NRXN3: variants seen among roughly 807,000 people sequenced by gnomAD.
NRXN3 encodes the protein neurexin 3.
A neutral mutation model predicts 137.6 loss-of-function variants in NRXN3; 32 were observed. The ratio of observed to expected loss-of-function variants is 0.23; its 90% CI spans 0.18 to 0.31. NRXN3 has a LOEUF of 0.31. Ranked by LOEUF, NRXN3 falls within the 10% of genes least tolerant of loss-of-function variation. The pLI is 1.00. For missense variants in NRXN3, 1,574 were observed against 2,062.5 expected (o/e 0.76, Z 4.59); for synonymous variants, 798 against 784.5 (o/e 1.02, Z -0.29).
In NRXN3 at chr14:79,033,545, A is replaced by G. The variant is rs150028600; in HGVS notation, c.3262+45404A>G. On this transcript the variant is annotated intron_variant, in intron 15 of 20. Transcript: ENST00000335750. ...AACGATGAGTATCTGGCCAAGTAAT[A>G]TATGGAATCAGGAATATGTCTCTCC... is the stretch of plus-strand genomic sequence containing the variant. 1.2e-4 allele frequency among the ~76,000 whole-genome samples: 18 copies of G among 152,214 alleles called. No homozygotes were observed. In the East Asian group the frequency reaches 3.5e-3, roughly 29 times the overall value.
At chr14:79,850,950 T>C (rs2099390204) in intron 20 of NRXN3, among the ~76,000 whole-genome samples, 1 of 152,202 alleles carries the variant, frequency 6.6e-6, no homozygotes, top group Non-Finnish European at 1.5e-5. Flanking sequence ...CACATATGAT[T>C]TGCAAAGTGA....
At chr14:79,365,451 G>A (rs530866615) in intron 15 of NRXN3, among the ~76,000 whole-genome samples, 16 of 151,904 alleles carry the variant, frequency 1.1e-4, no homozygotes, top group African/African-American at 3.9e-4. Flanking sequence ...CGGGCGCGGT[G>A]GCTCACGCCT....
At chr14:79,083,788 C>T (rs2047535569) in intron 15 of NRXN3, among the ~76,000 whole-genome samples, 1 of 152,188 alleles carries the variant, frequency 6.6e-6, no homozygotes, top group African/African-American at 2.4e-5. Context: ...AGGGGTTTTA[C>T]ATAAAACAGT....
At chr14:79,011,395 C>G (rs902560740) in intron 15 of NRXN3, among the ~76,000 whole-genome samples, 1 of 130,608 alleles carries the variant, frequency 7.7e-6, no homozygotes, top group African/African-American at 3.1e-5. Context: ...CCCACCTCCC[C>G]CCAACCCCAC....
chr14:78,908,630 C>G (rs1017908452), intron 10 of NRXN3, among the ~76,000 whole-genome samples: 1 of 151,910 alleles, frequency 6.6e-6, no homozygotes, highest in Admixed American at 6.6e-5. Flanking sequence ...AAAATTTCAC[C>G]AAGATAAACT....
intron 4 of NRXN3, among the ~76,000 whole-genome samples, chr14:78,366,579 GA>G (rs2085977824): frequency 6.6e-6 from 1 of 152,182 alleles, no homozygotes; most frequent in Non-Finnish European, 1.5e-5. Flanking sequence ...AGACTGGGAA[GA>G]AAAAGAGTCT....
chr14:79,088,774 A>G lies in NRXN3; in HGVS notation c.3262+100633A>G, dbSNP rs965710582. 3.9e-5 allele frequency among the ~76,000 whole-genome samples: 6 copies of G among 151,980 alleles called. No individual in the cohort carries two copies. In the South Asian group the frequency reaches 1.0e-3, roughly 26 times the overall value. On this transcript the variant is annotated intron_variant, in intron 15 of 20. Transcript: ENST00000335750. The stretch of plus-strand genomic sequence containing the variant: ...GTTATATCAGCCCTTTTTTTATGTC[A>G]TGTTGAAAATGTGCCTTCCTGGTTA...
chr14:78,677,364 T>A (rs1485578064), intron 6 of NRXN3, among the ~76,000 whole-genome samples: 1 of 151,936 alleles, frequency 6.6e-6, no homozygotes, highest in Non-Finnish European at 1.5e-5. Flanking sequence ...ACAACCCTCA[T>A]GGATGACTTT....
chr14:79,609,167 A>G (rs998449037), intron 16 of NRXN3, among the ~76,000 whole-genome samples: 4 of 152,000 alleles, frequency 2.6e-5, no homozygotes, highest in Non-Finnish European at 5.9e-5. Context: ...GAAAGTGTCC[A>G]CCATAGGACA....
intron 4 of NRXN3, among the ~76,000 whole-genome samples, chr14:78,469,562 G>T (rs927455244): frequency 6.6e-6 from 1 of 152,178 alleles, no homozygotes; most frequent in Non-Finnish European, 1.5e-5. Flanking sequence ...GCCAACTGGG[G>T]CATGGGGACA....
chr14:79,595,679 T>A (rs1176725288), intron 16 of NRXN3, among the ~76,000 whole-genome samples: 3 of 152,186 alleles, frequency 2.0e-5, no homozygotes, highest in South Asian at 2.1e-4. Context: ...AAACTTCATA[T>A]CACGATATAA....
chr14:79,059,288 C>T (rs1252503132), intron 15 of NRXN3, among the ~76,000 whole-genome samples: 1 of 92,938 alleles, frequency 1.1e-5, no homozygotes, highest in Non-Finnish European at 2.1e-5. Context: ...GATGGAGTCT[C>T]ACTCTGTCGC....
chr14:78,787,444 C>A (rs977565347), intron 8 of NRXN3, among the ~76,000 whole-genome samples: 1 of 151,984 alleles, frequency 6.6e-6, no homozygotes, highest in Non-Finnish European at 1.5e-5. Context: ...ATCATTTTTC[C>A]AAAATCAGCT....
chr14:79,584,184 A>G lies in NRXN3; in HGVS notation c.3445-79594A>G, dbSNP rs184839989. Among the ~76,000 whole-genome samples the G allele has an allele frequency of 6.7e-3, 1,012 of 152,046 alleles. 13 individuals are homozygous for G. The highest frequency in any genetic ancestry group is 0.044 in the Middle Eastern group (13 of 294). ...ATGTGGTATGCAGAGCTTAACTACT[A>G]CTCCTAGCCCCCAGGCCCCATAATC... On this transcript the variant is annotated intron_variant, in intron 16 of 20. Transcript: ENST00000335750.
At chr14:79,365,229 A>T (rs1032948094) in intron 15 of NRXN3, among the ~76,000 whole-genome samples, 1 of 152,120 alleles carries the variant, frequency 6.6e-6, no homozygotes, top group African/African-American at 2.4e-5. Flanking sequence ...ATTTCTTGGC[A>T]TCTGGCAGTG....
chr14:79,398,102 A>G (rs549375338), intron 15 of NRXN3, among the ~76,000 whole-genome samples: 1 of 152,224 alleles, frequency 6.6e-6, no homozygotes, highest in Non-Finnish European at 1.5e-5. Context: ...CAAGAAGCTC[A>G]ATCTTAAGAG....
At chr14:79,773,852 G>T (rs1214571383) in intron 19 of NRXN3, among the ~76,000 whole-genome samples, 1 of 149,828 alleles carries the variant, frequency 6.7e-6, no homozygotes, top group Non-Finnish European at 1.5e-5. Context: ...AAGAAATCAG[G>T]CAGACTGGAT....
intron 9 of NRXN3, among the ~76,000 whole-genome samples, chr14:78,805,021 G>A (rs1296868993): frequency 6.6e-6 from 1 of 152,152 alleles, no homozygotes; most frequent in Non-Finnish European, 1.5e-5. Context: ...CACATGTCCT[G>A]GTGGGAAGGT....
chr14:79,551,670 G>GC (rs559635340), intron 16 of NRXN3, among the ~76,000 whole-genome samples: 2 of 152,166 alleles, frequency 1.3e-5, no homozygotes, highest in South Asian at 4.1e-4. Context: ...TTTAGCTCAA[G>GC]CCCCAGGGAC....
Sources: allele counts gnomAD v4.1 joint callset (sites outside exome capture counted in the v4.1 genomes callset), GRCh38; gene constraint gnomAD v4.1.1; transcripts MANE v1.5; gene names NCBI Gene and HGNC (gene_info 2026-07-23, HGNC 2026-07-21).